OGT: variants seen among roughly 807,000 people sequenced by gnomAD.
OGT encodes the protein UDP-N-acetylglucosamine--peptide N-acetylglucosaminyltransferase 110 kDa subunit.
In OGT, 3 loss-of-function variants were observed where a neutral mutation model predicts 75.8. The observed-to-expected ratio is 0.04, with a 90% CI of 0.02 to 0.10. The LOEUF (loss-of-function observed/expected upper bound fraction) is 0.10, where lower values mean the gene tolerates loss of function less well. OGT is among the 10% of genes least tolerant of loss of function. The pLI, the probability that OGT is intolerant of heterozygous loss-of-function variation, is 1.00. For synonymous variants in OGT, 257 were observed against 289.7 expected (o/e 0.89, Z 1.15); for missense variants, 260 against 824.4 (o/e 0.32, Z 8.38).
At chrX:71,537,362 C>T (rs2040185945) in intron 2 of OGT, among the ~76,000 whole-genome samples, 1 of 110,272 alleles carries the variant, frequency 9.1e-6, no homozygotes, top group African/African-American at 3.3e-5. Flanking sequence ...AGTGCAGTGG[C>T]GCAATCTCAG....
At chrX:71,566,344 G>A (rs1383401359) in intron 19 of OGT, among the ~76,000 whole-genome samples, 1 of 111,979 alleles carries the variant, frequency 8.9e-6, no homozygotes, top group African/African-American at 3.2e-5. Flanking sequence ...AGGACTGCCC[G>A]AGACTGGGTA....
chrX:71,550,335 G>A (rs1484963326), intron 5 of OGT, among the ~76,000 whole-genome samples: 1 of 112,268 alleles, frequency 8.9e-6, no homozygotes, highest in Admixed American at 9.4e-5. Flanking sequence ...GATTAGTGAT[G>A]TTGAGCATAT....
intron 12 of OGT, 81 bp from the exon 13 acceptor site, chrX:71,559,186 A>G (rs2040365704): frequency 1.1e-6 from 1 of 918,099 alleles, no homozygotes; most frequent in Admixed American, 2.5e-5. Context: ...TGTGAGGTAT[A>G]GGTTTGGTGT....
chrX:71,564,840 G>A, intron 19 of OGT, 87 bp downstream of exon 19: 2 of 768,064 alleles, frequency 2.6e-6, no homozygotes, highest in Non-Finnish European at 3.8e-6. Context: ...CCATTTAGGA[G>A]CTGTTCTGCT....
chrX:71,547,154 A>G, intron 4 of OGT: 2 of 754,779 alleles, frequency 2.6e-6, no homozygotes, highest in Non-Finnish European at 3.1e-6. Context: ...TTTCAGCTTC[A>G]GTCCTCCTTG....
rs983975266 is a variant in OGT at position 71,575,258 on chromosome X, G to A, written c.*1464G>A. On this transcript the variant is annotated 3_prime_UTR_variant, in exon 22 of 22. Coordinates refer to ENST00000373719, the MANE Select transcript of OGT (RefSeq NM_181672.3). ...TATGTCTTTCCAAAGCGCTGAGGCT[G>A]TGCACCTATTCTGTAGTTGCAGCTG... The A allele has an allele frequency of 8.9e-6, 1 of 112,203 alleles. No homozygotes were observed. Among genetic ancestry groups the A allele is most frequent in the African/African-American group, 3.2e-5 (1 of 30,808 alleles). 9.2% of individuals were successfully genotyped at this position (112,203 alleles called of 1,213,427 possible).
rs764271037 is a variant in OGT, at chrX:71,544,667, AG to A, written c.531+33del. ...GTTTGATAGAACACATTTAAACATC[AG>A]TATTATGAAAACTTGTACTTTTTGC... On this transcript the variant is annotated intron_variant, in intron 4 of 21. Coordinates refer to ENST00000373719, the MANE Select transcript of OGT (RefSeq NM_181672.3). The A allele has an allele frequency of 3.1e-5, 34 of 1,114,202 alleles. No individual in the cohort carries two copies. In the South Asian group the frequency reaches 5.5e-4, roughly 18 times the overall value. 91.8% of individuals were successfully genotyped at this position (1,114,202 alleles called of 1,213,427 possible).
intron 4 of OGT, chrX:71,547,505 G>A (rs2040269262): frequency 2.6e-6 from 2 of 778,755 alleles, no homozygotes; most frequent in Admixed American, 8.1e-5. Flanking sequence ...AACAGTGGGG[G>A]TAGGAAAACT....
chrX:71,554,442 A>T, intron 5 of OGT, 71 bp from the exon 6 acceptor site: 2 of 726,635 alleles, frequency 2.8e-6, no homozygotes, highest in Non-Finnish European at 4.3e-6. Flanking sequence ...GAGTAAAAAA[A>T]TTGTAATTGG....
intron 18 of OGT, among the ~76,000 whole-genome samples, chrX:71,564,033 A>G (rs996539276): frequency 2.7e-5 from 3 of 112,311 alleles, no homozygotes; most frequent in Non-Finnish European, 5.6e-5. Context: ...AATCACAGTA[A>G]TGTAGTATGT....
chrX:71,549,665 C>T (rs1262726097), intron 5 of OGT, among the ~76,000 whole-genome samples: 1 of 110,712 alleles, frequency 9.0e-6, no homozygotes, highest in East Asian at 2.8e-4. Context: ...ACACACACAG[C>T]TACTGGGGAG....
chrX:71,533,758 C>G (rs754410753), intron 1 of OGT, among the ~76,000 whole-genome samples: 104 of 109,570 alleles, frequency 9.5e-4, no homozygotes, highest in Non-Finnish European at 1.7e-3. Flanking sequence ...ATCTCCCCCC[C>G]CAGTCTTTTC....
chrX:71,535,275 C>T (rs55737451), intron 1 of OGT, among the ~76,000 whole-genome samples: 679 of 111,629 alleles, frequency 6.1e-3, no homozygotes, highest in Non-Finnish European at 0.011. Context: ...TCCTCCCTCC[C>T]TCCCAACGTT....
rs551037333 is a variant in OGT at position 71,560,425 on chromosome X, A to G, written c.1851+748A>G. Among the ~76,000 whole-genome samples, 17 of 110,732 alleles carry G rather than the reference A, an allele frequency of 1.5e-4. No individual in the cohort carries two copies. In the South Asian group the frequency reaches 3.8e-3, roughly 25 times the overall value. On this transcript the variant is annotated intron_variant, in intron 14 of 21. Transcript: ENST00000373719. The stretch of plus-strand genomic sequence containing the variant: ...TTATGATAAATTAAGATTGAAACCT[A>G]TGGGGGAATTAATTTGCTGAGTATG...
At chrX:71,542,036 T>C (rs2040223112) in intron 3 of OGT, among the ~76,000 whole-genome samples, 1 of 111,955 alleles carries the variant, frequency 8.9e-6, no homozygotes, top group African/African-American at 3.2e-5. Context: ...TAAAATTCTT[T>C]ACTACTGAGT....
At chrX:71,537,505 A>C (rs1228326004) in intron 2 of OGT, among the ~76,000 whole-genome samples, 1 of 105,615 alleles carries the variant, frequency 9.5e-6, no homozygotes, top group East Asian at 3.0e-4. Flanking sequence ...GTTTCACCAT[A>C]TTGGCCAGGC....
At position 71,568,821 on chromosome X, in the gene OGT, C is replaced by CT. The variant is rs763750787; in HGVS notation, c.2966+706dup. Among the ~76,000 whole-genome samples, 4 of 100,158 alleles carry CT rather than the reference C, an allele frequency of 4.0e-5. No individual in the cohort carries two copies. The East Asian group carries it at 1.5e-3, about 37-fold the overall frequency. The allele number at this position is 100,158 out of a possible 115,157, so 87.0% of individuals were successfully genotyped here. Reference sequence around the variant, plus strand: ...CCAGCCTGGGTGACATAGTGAGACTCTATCTCAAAAACAAAAACAAAAACA... The same window carrying CT: ...CCAGCCTGGGTGACATAGTGAGACTCTTATCTCAAAAACAAAAACAAAAACA... On this transcript the variant is annotated intron_variant, in intron 21 of 21. Transcript: ENST00000373719.
At chrX:71,549,910 T>G (rs758099768) in intron 5 of OGT, among the ~76,000 whole-genome samples, 1 of 112,104 alleles carries the variant, frequency 8.9e-6, no homozygotes, top group Admixed American at 9.4e-5. Flanking sequence ...CAAGGAAGCT[T>G]TGACATATTA....
At chrX:71,534,760 C>T (rs2040163197) in intron 1 of OGT, among the ~76,000 whole-genome samples, 1 of 111,906 alleles carries the variant, frequency 8.9e-6, no homozygotes, top group Admixed American at 9.5e-5. Context: ...GTTAAAATAG[C>T]AGATAAGCGG....
Sources: gnomAD v4.1 joint callset for allele counts (sites outside exome capture counted in the v4.1 genomes callset) on GRCh38, gnomAD v4.1.1 for gene constraint, MANE v1.5 for transcripts, NCBI Gene and HGNC (gene_info 2026-07-23, HGNC 2026-07-21) for gene names.